The following PLGRKT variants were observed in gnomAD, a reference collection of about 807,000 sequenced individuals.
The protein encoded by PLGRKT is plasminogen receptor (KT).
Under a neutral mutation model 18.5 loss-of-function variants are expected in PLGRKT, and 22 were observed. The ratio of observed to expected loss-of-function variants is 1.19; its 90% CI spans 0.85 to 1.70. PLGRKT has a LOEUF of 1.70. Among genes scored for constraint, PLGRKT ranks in the 40% most tolerant of loss-of-function variants. PLGRKT has a pLI of 0.00. For synonymous variants in PLGRKT, 72 were observed against 52.8 expected (o/e 1.36, Z -1.58); for missense variants, 235 against 174.4 (o/e 1.35, Z -1.96).
chr9:5,423,498 C>T (rs185093492), intron 3 of PLGRKT, among the ~76,000 whole-genome samples: 13 of 152,274 alleles, frequency 8.5e-5, no homozygotes, highest in Non-Finnish European at 1.5e-4. Context: ...CAGGCCTTTA[C>T]AGACTTGTTT....
chr9:5,360,941 G>C (rs1254188167), intron 5 of PLGRKT, 137 bp downstream of exon 5: 1 of 580,852 alleles, frequency 1.7e-6, no homozygotes. Context: ...GTGTGAAAGG[G>C]AGCAGAAATG....
intron 3 of PLGRKT, among the ~76,000 whole-genome samples, chr9:5,383,570 A>T (rs1817785549): frequency 6.6e-6 from 1 of 152,196 alleles, no homozygotes; most frequent in South Asian, 2.1e-4. Flanking sequence ...CATAATGTAC[A>T]ATCAGTAAGA....
At chr9:5,405,930 C>T (rs888561350) in intron 3 of PLGRKT, among the ~76,000 whole-genome samples, 1 of 151,964 alleles carries the variant, frequency 6.6e-6, no homozygotes, top group Non-Finnish European at 1.5e-5. Context: ...CAAACAATCC[C>T]ATCAAAAAGT....
chr9:5,372,643 C>T (rs148750778), intron 3 of PLGRKT, among the ~76,000 whole-genome samples: 1 of 152,180 alleles, frequency 6.6e-6, no homozygotes, highest in East Asian at 1.9e-4. Context: ...GAAATGTCAC[C>T]TCTGCTACTG....
chr9:5,424,774 C>A (rs896854884), intron 3 of PLGRKT, among the ~76,000 whole-genome samples: 18 of 146,276 alleles, frequency 1.2e-4, no homozygotes, highest in Non-Finnish European at 2.4e-4. Flanking sequence ...CGGGCTGGTC[C>A]CAAACTCCTG....
At chr9:5,424,264 G>C (rs1451335988) in intron 3 of PLGRKT, among the ~76,000 whole-genome samples, 1 of 135,526 alleles carries the variant, frequency 7.4e-6, no homozygotes, top group East Asian at 2.0e-4. Flanking sequence ...TACACTATAT[G>C]TCATATATTA....
At chr9:5,388,705 AT>A (rs1817891222) in intron 3 of PLGRKT, among the ~76,000 whole-genome samples, 1 of 151,988 alleles carries the variant, frequency 6.6e-6, no homozygotes, top group African/African-American at 2.4e-5. Flanking sequence ...CTGTTCTGTA[AT>A]TTCTGCTAGA....
intron 3 of PLGRKT, among the ~76,000 whole-genome samples, chr9:5,393,297 A>AAT (rs1207700923): frequency 6.6e-6 from 1 of 151,880 alleles, no homozygotes; most frequent in Non-Finnish European, 1.5e-5. Context: ...TAGTTGGAAA[A>AAT]ATGAACATCT....
At chr9:5,435,670 T>A (rs557447681) in intron 2 of PLGRKT, among the ~76,000 whole-genome samples, 1 of 152,326 alleles carries the variant, frequency 6.6e-6, no homozygotes, top group Admixed American at 6.5e-5. Context: ...ACTGGGTGGG[T>A]ACAGAAGACC....
At chr9:5,365,197 C>G (rs1292420545) in intron 3 of PLGRKT, among the ~76,000 whole-genome samples, 2 of 151,916 alleles carry the variant, frequency 1.3e-5, no homozygotes, top group Non-Finnish European at 2.9e-5. Context: ...ATAAGAGGAG[C>G]CTACAGAATC....
At chr9:5,407,979 T>C (rs1359084844) in intron 3 of PLGRKT, among the ~76,000 whole-genome samples, 2 of 152,196 alleles carry the variant, frequency 1.3e-5, no homozygotes, top group East Asian at 1.9e-4. Context: ...CTAATCTGTA[T>C]ATAGACAACT....
chr9:5,377,592 G>A (rs1169537394), intron 3 of PLGRKT, among the ~76,000 whole-genome samples: 1 of 152,180 alleles, frequency 6.6e-6, no homozygotes, highest in African/African-American at 2.4e-5. Flanking sequence ...AAGCAGATGG[G>A]ATCAAAATGA....
intron 5 of PLGRKT, among the ~76,000 whole-genome samples, chr9:5,359,120 T>C (rs867277279): frequency 6.6e-6 from 1 of 151,700 alleles, no homozygotes; most frequent in Non-Finnish European, 1.5e-5. Flanking sequence ...TGGAGTGCAG[T>C]GGTGCAATCT....
chr9:5,404,076 C>T (rs1440480796), intron 3 of PLGRKT, among the ~76,000 whole-genome samples: 1 of 152,100 alleles, frequency 6.6e-6, no homozygotes, highest in African/African-American at 2.4e-5. Context: ...AAGACTGAAC[C>T]AGGAAGAAGT....
chr9:5,417,279 G>A (rs1325797342), intron 3 of PLGRKT, among the ~76,000 whole-genome samples: 1 of 152,130 alleles, frequency 6.6e-6, no homozygotes, highest in Non-Finnish European at 1.5e-5. Context: ...TCTAGCTTCG[G>A]TATGCTTATA....
chr9:5,372,848 CCAACTAGTATTA>C (rs1202389004), intron 3 of PLGRKT, among the ~76,000 whole-genome samples: 1 of 152,152 alleles, frequency 6.6e-6, no homozygotes, highest in Non-Finnish European at 1.5e-5. Context: ...GGAATGGAAT[CCAACTAGTATTA>C]CCTGCCACTG....
In PLGRKT at chr9:5,358,073, T is replaced by G. The variant is rs1817177395; in HGVS notation, c.*166A>C. 1 of 501,416 alleles carries G rather than the reference T, an allele frequency of 2.0e-6. No individual in the cohort carries two copies. The highest frequency in any genetic ancestry group is 3.4e-6 in the Non-Finnish European group (1 of 289,992). 31.1% of individuals were successfully genotyped at this position (501,416 alleles called of 1,614,324 possible). ...TATTTAGAGCACCTCCATGATTTTG[T>G]GTTGAATGTTATAAATTTTATTTTA... On this transcript the variant is annotated 3_prime_UTR_variant, in exon 6 of 6. Coordinates refer to ENST00000223864, the MANE Select transcript of PLGRKT (RefSeq NM_018465.4).
chr9:5,399,443 A>G (rs569427765), intron 3 of PLGRKT, among the ~76,000 whole-genome samples: 2 of 151,648 alleles, frequency 1.3e-5, no homozygotes, highest in South Asian at 2.1e-4. Flanking sequence ...CAATAGGCAG[A>G]TTTTTTTTCC....
intron 3 of PLGRKT, among the ~76,000 whole-genome samples, chr9:5,406,575 G>C (rs1191629053): frequency 2.0e-5 from 3 of 151,862 alleles, no homozygotes; most frequent in Admixed American, 6.6e-5. Flanking sequence ...CATGGAGACA[G>C]GGAGGGGAAC....
Sources: allele counts gnomAD v4.1 joint callset (sites outside exome capture counted in the v4.1 genomes callset), GRCh38; gene constraint gnomAD v4.1.1; transcripts MANE v1.5; gene names NCBI Gene and HGNC (gene_info 2026-07-23, HGNC 2026-07-21).